The following SGCZ variants were observed in gnomAD, a reference collection of about 807,000 sequenced individuals.
SGCZ encodes the protein zeta-sarcoglycan.
In SGCZ, 40 loss-of-function variants were observed where a neutral mutation model predicts 41.3. That is an observed-to-expected ratio of 0.97 (90% confidence interval 0.75 to 1.26). The LOEUF (loss-of-function observed/expected upper bound fraction) is 1.26. Among genes scored for constraint, SGCZ ranks in the 50% most tolerant of loss-of-function variants. SGCZ has a pLI of 0.00. For synonymous variants in SGCZ, 206 were observed against 137.5 expected (o/e 1.50, Z -3.49); for missense variants, 552 against 369.8 (o/e 1.49, Z -4.04).
chr8:14,638,756 A>G lies in SGCZ; in HGVS notation c.40-83830T>C, dbSNP rs955867652. 2.0e-5 allele frequency among the ~76,000 whole-genome samples: 3 copies of G among 151,830 alleles called. No individual in the cohort carries two copies. The Admixed American group carries it at 2.0e-4, about 10-fold the overall frequency. On this transcript the variant is annotated intron_variant, in intron 1 of 7. Coordinates refer to ENST00000382080, the MANE Select transcript of SGCZ (RefSeq NM_139167.4). ...GTGAGCAATCCTTTATTGTGCTCCT[A>G]GAGATTGTAATGGTTAGCTAACATT...
chr8:14,250,647 T>C (rs1484039246), intron 3 of SGCZ, among the ~76,000 whole-genome samples: 1 of 152,196 alleles, frequency 6.6e-6, no homozygotes, highest in Non-Finnish European at 1.5e-5. Flanking sequence ...CACTGGATTG[T>C]GTAGTGACAG....
chr8:14,730,454 T>C (rs1451940374), intron 1 of SGCZ, among the ~76,000 whole-genome samples: 1 of 152,128 alleles, frequency 6.6e-6, no homozygotes, highest in East Asian at 1.9e-4. Flanking sequence ...CTATTTTTTT[T>C]TCTTATCCTG....
chr8:14,123,567 T>G (rs1313611498), intron 5 of SGCZ, among the ~76,000 whole-genome samples: 1 of 152,162 alleles, frequency 6.6e-6, no homozygotes, highest in African/African-American at 2.4e-5. Flanking sequence ...GACCAAGACC[T>G]ATATACTCCA....
chr8:14,801,129 G>C (rs1178485040), intron 1 of SGCZ, among the ~76,000 whole-genome samples: 1 of 152,140 alleles, frequency 6.6e-6, no homozygotes, highest in Admixed American at 6.6e-5. Flanking sequence ...AAAGATCTAT[G>C]AATACCAAAT....
At chr8:14,184,140 T>A (rs1360418532) in intron 4 of SGCZ, among the ~76,000 whole-genome samples, 1 of 152,130 alleles carries the variant, frequency 6.6e-6, no homozygotes, top group Non-Finnish European at 1.5e-5. Context: ...TCTTAAAAAA[T>A]CATTCTAATG....
At chr8:15,085,489 G>C (rs1805915168) in intron 1 of SGCZ, among the ~76,000 whole-genome samples, 1 of 152,094 alleles carries the variant, frequency 6.6e-6, no homozygotes. Context: ...AATTCCCCAG[G>C]AGTGGCATTG....
intron 1 of SGCZ, among the ~76,000 whole-genome samples, chr8:14,813,684 G>A (rs910562461): frequency 6.6e-6 from 1 of 152,180 alleles, no homozygotes; most frequent in Non-Finnish European, 1.5e-5. Context: ...GCGAGCAGTG[G>A]CTCACGCCTG....
intron 2 of SGCZ, among the ~76,000 whole-genome samples, chr8:14,498,966 T>A (rs1802070708): frequency 6.6e-6 from 1 of 151,960 alleles, no homozygotes. Flanking sequence ...TATCTATGAA[T>A]GGTCCAGTTA....
intron 1 of SGCZ, among the ~76,000 whole-genome samples, chr8:14,765,074 A>G (rs960342509): frequency 6.6e-6 from 1 of 152,168 alleles, no homozygotes; most frequent in Non-Finnish European, 1.5e-5. Context: ...CCAAGTACCT[A>G]AGAGTTCACT....
intron 5 of SGCZ, among the ~76,000 whole-genome samples, chr8:14,149,597 C>T (rs1803633704): frequency 6.7e-6 from 1 of 148,598 alleles, no homozygotes; most frequent in Non-Finnish European, 1.5e-5. Context: ...TCATACCACC[C>T]AAAGCTATCT....
At chr8:14,488,526 C>A (rs1291454564) in intron 2 of SGCZ, among the ~76,000 whole-genome samples, 3 of 152,030 alleles carry the variant, frequency 2.0e-5, no homozygotes. Context: ...CCCCTAGCCT[C>A]TAGCCAGTTT....
At chr8:14,673,707 T>G (rs1808182666) in intron 1 of SGCZ, among the ~76,000 whole-genome samples, 1 of 152,094 alleles carries the variant, frequency 6.6e-6, no homozygotes, top group African/African-American at 2.4e-5. Flanking sequence ...ATGACTTGAA[T>G]AAATGAACGA....
At chr8:14,155,617 A>T (rs1803853192) in intron 5 of SGCZ, among the ~76,000 whole-genome samples, 1 of 151,916 alleles carries the variant, frequency 6.6e-6, no homozygotes, top group South Asian at 2.1e-4. Flanking sequence ...GGCATTCTAT[A>T]GTAAAAATGA....
At chr8:14,731,232 G>T (rs1452098417) in intron 1 of SGCZ, among the ~76,000 whole-genome samples, 6 of 151,690 alleles carry the variant, frequency 4.0e-5, no homozygotes, top group Admixed American at 3.9e-4. Context: ...CATGTCCTTT[G>T]CAGGGACATG....
chr8:14,305,127 T>A lies in SGCZ; in HGVS notation c.336+18976A>T, dbSNP rs531513997. On this transcript the variant is annotated intron_variant, in intron 3 of 7. Coordinates refer to ENST00000382080, the MANE Select transcript of SGCZ (RefSeq NM_139167.4). ...TAAAATAGATTTAGTACATATCTTA[T>A]TTTACTGATATTCATTTTAATATAA... is the stretch of plus-strand genomic sequence containing the variant. 2.6e-5 allele frequency among the ~76,000 whole-genome samples: 4 copies of A among 152,260 alleles called. No homozygotes were observed. The South Asian group carries it at 8.3e-4, about 32-fold the overall frequency.
rs141585728 is a variant in SGCZ, at chr8:14,391,214, C to A, written c.235-67010G>T. Among the ~76,000 whole-genome samples the A allele has an allele frequency of 4.4e-4, 67 of 152,212 alleles. 1 individual carries two copies. The highest frequency in any genetic ancestry group is 1.6e-3 in the African/African-American group (66 of 41,566). ...AGTAAGACTGGCCAAACAAAATGAT[C>A]TTCTGTCATCATCAATGAAAACATT... On this transcript the variant is annotated intron_variant, in intron 2 of 7. Coordinates refer to ENST00000382080, the MANE Select transcript of SGCZ (RefSeq NM_139167.4).
intron 2 of SGCZ, among the ~76,000 whole-genome samples, chr8:14,538,559 C>T (rs541191417): frequency 6.6e-6 from 1 of 151,892 alleles, no homozygotes; most frequent in African/African-American, 2.4e-5. Context: ...ACCTAAATAG[C>T]TGATATACTT....
chr8:15,102,654 G>C (rs192270049), intron 1 of SGCZ, among the ~76,000 whole-genome samples: 3 of 152,060 alleles, frequency 2.0e-5, no homozygotes, highest in African/African-American at 7.2e-5. Context: ...CTCAACTACT[G>C]CACACTTTTT....
At chr8:14,637,175 C>T (rs1806859027) in intron 1 of SGCZ, among the ~76,000 whole-genome samples, 1 of 151,756 alleles carries the variant, frequency 6.6e-6, no homozygotes, top group South Asian at 2.1e-4. Context: ...CCAAATCTTA[C>T]ATCACTACTC....
Sources: gnomAD v4.1 joint callset for allele counts (sites outside exome capture counted in the v4.1 genomes callset) on GRCh38, gnomAD v4.1.1 for gene constraint, MANE v1.5 for transcripts, NCBI Gene and HGNC (gene_info 2026-07-23, HGNC 2026-07-21) for gene names.